Variants in AFAP1L2 observed in about 807,000 individuals in gnomAD.
AFAP1L2 encodes the protein actin filament associated protein 1 like 2, also known as actin filament-associated protein 1-like 2.
AFAP1L2 carries 46 observed loss-of-function variants against 99.3 expected under a neutral mutation model. The ratio of observed to expected loss-of-function variants is 0.46; its 90% CI spans 0.37 to 0.59. The LOEUF (loss-of-function observed/expected upper bound fraction) is 0.59. Ranked by LOEUF, AFAP1L2 falls within the 20% of genes least tolerant of loss-of-function variation. AFAP1L2 has a pLI of 0.00. For missense variants in AFAP1L2, 959 were observed against 1,034.9 expected (o/e 0.93, Z 1.01); for synonymous variants, 397 against 419.1 (o/e 0.95, Z 0.64).
At chr10:114,359,075 A>T (rs868814307) in intron 1 of AFAP1L2, among the ~76,000 whole-genome samples, 1 of 152,232 alleles carries the variant, frequency 6.6e-6, no homozygotes, top group South Asian at 2.1e-4. Flanking sequence ...CTCTGAGAAC[A>T]AACAGTAAAA....
At position 114,296,060 on chromosome 10, in the gene AFAP1L2, C is replaced by T. The variant is rs1254097409; in HGVS notation, c.2439G>A (p.Glu813=). 6.2e-7 allele frequency: 1 copy of T among 1,614,180 alleles called. No homozygotes were observed. The highest frequency in any genetic ancestry group is 1.1e-5 in the South Asian group (1 of 91,080). The change falls in exon 19 of 19, where the codon GAG becomes GAA. Residue 813 remains glutamate, a synonymous_variant. Coordinates refer to ENST00000304129, the MANE Select transcript of AFAP1L2 (RefSeq NM_001001936.3). ...GTVLQKAKEW[E]KKGAS ...TTGTTTTCTAACTTGCTCCTTTCTT[C>T]TCCCATTCCTAGGGTACCATTCAAA...
At chr10:114,332,196 T>C (rs947898178) in intron 3 of AFAP1L2, among the ~76,000 whole-genome samples, 1 of 152,166 alleles carries the variant, frequency 6.6e-6, no homozygotes, top group Non-Finnish European at 1.5e-5. Context: ...AGCTGCCTGG[T>C]GGCCACTATA....
the AFAP1L2 span, chr10:114,289,468 C>T: frequency 1.2e-6 from 2 of 1,614,234 alleles, no homozygotes; most frequent in Non-Finnish European, 1.7e-6. Context: ...CCAGGACGTG[C>T]TCATTGAGTG....
intron 1 of AFAP1L2, among the ~76,000 whole-genome samples, chr10:114,353,794 G>C (rs961957317): frequency 6.6e-6 from 1 of 152,198 alleles, no homozygotes; most frequent in East Asian, 1.9e-4. Flanking sequence ...GTGGGGGACA[G>C]AGGATAAGTG....
the AFAP1L2 span, among the ~76,000 whole-genome samples, chr10:114,283,869 C>T: frequency 1.3e-5 from 2 of 152,182 alleles, no homozygotes; most frequent in Non-Finnish European, 2.9e-5. Flanking sequence ...ATCTTTTCTG[C>T]CTTTGAAAAG....
intron 1 of AFAP1L2, among the ~76,000 whole-genome samples, chr10:114,359,337 T>C (rs1424824260): frequency 2.6e-5 from 4 of 152,206 alleles, no homozygotes; most frequent in Admixed American, 1.3e-4. Context: ...TGACTTCTGA[T>C]AAAGTTAGCT....
intron 1 of AFAP1L2, among the ~76,000 whole-genome samples, chr10:114,386,001 G>A (rs75773100): frequency 7.8e-4 from 118 of 152,070 alleles, no homozygotes; most frequent in African/African-American, 2.8e-3. Flanking sequence ...AGGAAGGAAC[G>A]AGAAGCCAGG....
rs747518619 is a variant in AFAP1L2, at chr10:114,297,273, C to T, written c.2254G>A (p.Val752Met). The T allele has an allele frequency of 3.1e-6, 5 of 1,613,872 alleles. No individual in the cohort carries two copies. Among genetic ancestry groups the T allele is most frequent in the Non-Finnish European group, 4.2e-6 (5 of 1,179,998 alleles). Residue 752 changes from valine to methionine, a missense_variant, in exon 17 of 19, where the codon GTG (valine) becomes ATG (methionine). Transcript: ENST00000304129. ...DNLKKAEAGP[V>M]TLGTTVDTTH... Reference sequence around the variant, plus strand: ...GTGTCCACGGTGGTGCCTAACGTCACAGGCCCTGCCTCAGCCTTCTTCAGG... The same window carrying T: ...GTGTCCACGGTGGTGCCTAACGTCATAGGCCCTGCCTCAGCCTTCTTCAGG...
chr10:114,370,085 C>T (rs1206510909), intron 1 of AFAP1L2, among the ~76,000 whole-genome samples: 2 of 152,176 alleles, frequency 1.3e-5, no homozygotes, highest in Non-Finnish European at 2.9e-5. Flanking sequence ...ATTAGAGATA[C>T]TAGTGTCTCA....
chr10:114,334,363 C>A (rs976478592), intron 2 of AFAP1L2, among the ~76,000 whole-genome samples: 1 of 152,248 alleles, frequency 6.6e-6, no homozygotes, highest in African/African-American at 2.4e-5. Flanking sequence ...ATTTCTTCTG[C>A]AGCCTTAATT....
At chr10:114,305,275 G>A (rs547065628) in intron 10 of AFAP1L2, 186 of 330,388 alleles carry the variant, frequency 5.6e-4, no homozygotes, top group African/African-American at 4.1e-3. Flanking sequence ...GGGAGGGCAC[G>A]CGGATGCAGG....
At position 114,300,366 on chromosome 10, in the gene AFAP1L2, T is replaced by TG. The variant is rs1361597243; in HGVS notation, c.1789-5dup. ...CTGGCTCCAAACTCTCCAGCTGCTTTGGGGGAAAGCAGACCTGACTCAGCT... is the reference window on the plus strand; with the variant it reads ...CTGGCTCCAAACTCTCCAGCTGCTTTGGGGGGAAAGCAGACCTGACTCAGCT... On this transcript the variant is annotated splice_polypyrimidine_tract_variant and splice_region_variant and intron_variant, in intron 14 of 18. Coordinates refer to ENST00000304129, the MANE Select transcript of AFAP1L2 (RefSeq NM_001001936.3). The TG allele has an allele frequency of 1.2e-6, 2 of 1,613,958 alleles. No individual in the cohort carries two copies. The highest frequency in any genetic ancestry group is 2.7e-5 in the African/African-American group (2 of 74,900).
At chr10:114,335,647 C>T (rs1038299868) in intron 2 of AFAP1L2, among the ~76,000 whole-genome samples, 1 of 151,264 alleles carries the variant, frequency 6.6e-6, no homozygotes, top group Non-Finnish European at 1.5e-5. Context: ...AAATGTCTAC[C>T]AATAGGTTAA....
downstream of AFAP1L2, chr10:114,291,101 T>A: frequency 8.3e-7 from 1 of 1,211,892 alleles, no homozygotes; most frequent in East Asian, 2.6e-5. Flanking sequence ...CATCTTCTGC[T>A]GGGGGCGAGG....
At chr10:114,345,092 A>C (rs984046440) in intron 1 of AFAP1L2, among the ~76,000 whole-genome samples, 3 of 149,072 alleles carry the variant, frequency 2.0e-5, no homozygotes, top group African/African-American at 7.5e-5. Context: ...GCAAGACTCC[A>C]TCTCAAAAAA....
At chr10:114,320,456 C>T (rs569366814) in intron 5 of AFAP1L2, among the ~76,000 whole-genome samples, 26 of 152,340 alleles carry the variant, frequency 1.7e-4, no homozygotes, top group Admixed American at 3.3e-4. Context: ...GACCTGAGGT[C>T]AGGCCAGCTT....
chr10:114,388,492 C>T (rs2056782279), intron 1 of AFAP1L2, among the ~76,000 whole-genome samples: 1 of 152,178 alleles, frequency 6.6e-6, no homozygotes, highest in South Asian at 2.1e-4. Flanking sequence ...TTTCTTTCTT[C>T]ACGTTGACTC....
intron 9 of AFAP1L2, 47 bp downstream of exon 9, chr10:114,308,386 G>C: frequency 6.4e-7 from 1 of 1,557,480 alleles, no homozygotes; most frequent in Non-Finnish European, 8.9e-7. Flanking sequence ...TGACAGCCCA[G>C]CCTCACAGCC....
At chr10:114,326,173 G>T in intron 4 of AFAP1L2, 1 of 578,842 alleles carries the variant, frequency 1.7e-6, no homozygotes, top group Non-Finnish European at 2.5e-6. Context: ...TTTTGTGAGT[G>T]TCTCCTAAGC....
Sources: gnomAD v4.1 joint callset for allele counts (sites outside exome capture counted in the v4.1 genomes callset) on GRCh38, gnomAD v4.1.1 for gene constraint, MANE v1.5 for transcripts, NCBI Gene and HGNC (gene_info 2026-07-23, HGNC 2026-07-21) for gene names.